The following LGR6 variants were observed in gnomAD, a reference collection of about 807,000 sequenced individuals.
LGR6 encodes the protein leucine-rich repeat-containing G protein-coupled receptor 6.
LGR6 carries 45 observed loss-of-function variants against 69.4 expected under a neutral mutation model. The observed-to-expected ratio is 0.65, with a 90% CI of 0.51 to 0.83. LGR6 has a LOEUF of 0.83. LGR6 is among the 40% of genes least tolerant of loss of function. The pLI is 0.00. For synonymous variants in LGR6, 538 were observed against 555.0 expected (o/e 0.97, Z 0.43); for missense variants, 1,108 against 1,246.7 (o/e 0.89, Z 1.68).
In LGR6 at chr1:202,256,579, G is replaced by T. The variant is rs565070769; in HGVS notation, c.429-19727G>T. Among the ~76,000 whole-genome samples the T allele has an allele frequency of 5.3e-5, 8 of 152,246 alleles. No homozygotes were observed. In the South Asian group the frequency reaches 8.3e-4, roughly 16 times the overall value. The stretch of plus-strand genomic sequence containing the variant: ...TTTTATAGCTGAATTATATTCCTTG[G>T]TATAGATATACCACATTTTATTTTA... On this transcript the variant is annotated intron_variant, in intron 4 of 17. Coordinates refer to ENST00000367278, the MANE Select transcript of LGR6 (RefSeq NM_001017403.2).
intron 1 of LGR6, among the ~76,000 whole-genome samples, chr1:202,214,471 C>A (rs1033003828): frequency 6.6e-6 from 1 of 151,760 alleles, no homozygotes; most frequent in Non-Finnish European, 1.5e-5. Flanking sequence ...CTGGGGTGGG[C>A]AGGGGCGCGC....
At chr1:202,258,182 AC>A (rs1183562518) in intron 4 of LGR6, among the ~76,000 whole-genome samples, 5 of 151,988 alleles carry the variant, frequency 3.3e-5, no homozygotes, top group African/African-American at 9.7e-5. Context: ...GCTTTGCTGT[AC>A]TCATTTACTA....
intron 1 of LGR6, among the ~76,000 whole-genome samples, chr1:202,204,567 A>ACACACCTAACACACACCTCCTTCAAACAC (rs1659001992): frequency 7.6e-4 from 5 of 6,568 alleles, no homozygotes; most frequent in African/African-American, 1.2e-3. Flanking sequence ...TCCAAACACA[A>ACACACCTAACACACACCTCCTTCAAACAC]ACACACCTAA....
At chr1:202,244,593 C>G (rs540048672) in intron 4 of LGR6, among the ~76,000 whole-genome samples, 13 of 152,196 alleles carry the variant, frequency 8.5e-5, no homozygotes, top group Admixed American at 3.9e-4. Context: ...TCCTCTTTCT[C>G]TCTGTGTCTC....
intron 6 of LGR6, among the ~76,000 whole-genome samples, chr1:202,291,489 CCTG>C (rs1198768323): frequency 6.6e-6 from 1 of 152,192 alleles, no homozygotes; most frequent in African/African-American, 2.4e-5. Context: ...ATCTTGAGAC[CCTG>C]CACAGTGGAC....
intron 3 of LGR6, among the ~76,000 whole-genome samples, chr1:202,231,323 G>A (rs1046281842): frequency 3.9e-5 from 6 of 152,204 alleles, no homozygotes; most frequent in South Asian, 2.1e-4. Context: ...ACTGACCCAC[G>A]AAGGGAAATG....
Position 202,276,498 on chromosome 1 carries a change from G to C in LGR6, c.621G>C (p.Gln207His). 1 of 1,614,002 alleles carries C rather than the reference G, an allele frequency of 6.2e-7. No individual in the cohort carries two copies. Among genetic ancestry groups the C allele is most frequent in the Non-Finnish European group, 8.5e-7 (1 of 1,179,944 alleles). The change falls in exon 5 of 18, where the codon CAG becomes CAC. Residue 207 changes from glutamine (Q) to histidine (H), a missense_variant. Coordinates refer to ENST00000367278, the MANE Select transcript of LGR6 (RefSeq NM_001017403.2). ...GCCACATCCCCGACTACGCGTTCCA[G>C]AATCTCACCAGCCTTGTGGTGCTGT... ...RISHIPDYAF[Q>H]NLTSLVVLHL... is the part of the protein sequence containing the mutation.
intron 4 of LGR6, chr1:202,236,227 C>G (rs1661538569): frequency 1.8e-6 from 1 of 551,046 alleles, no homozygotes. Flanking sequence ...CCACGCCCCA[C>G]TGGGGGACTG....
At chr1:202,275,020 A>G (rs969839661) in intron 4 of LGR6, among the ~76,000 whole-genome samples, 3 of 152,220 alleles carry the variant, frequency 2.0e-5, no homozygotes, top group Non-Finnish European at 2.9e-5. Flanking sequence ...GAGAGCACTG[A>G]TGAGATGCTC....
chr1:202,259,532 A>G (rs1664050245), intron 4 of LGR6, among the ~76,000 whole-genome samples: 1 of 152,104 alleles, frequency 6.6e-6, no homozygotes, highest in Admixed American at 6.6e-5. Flanking sequence ...AATCTTTTCC[A>G]TCTGTGCTAA....
chr1:202,294,891 G>T (rs1465558875), intron 6 of LGR6, among the ~76,000 whole-genome samples: 4 of 152,128 alleles, frequency 2.6e-5, no homozygotes, highest in African/African-American at 9.7e-5. Context: ...TCTCTGATGA[G>T]GTATAATTTG....
chr1:202,221,163 T>G (rs573892166), intron 1 of LGR6, among the ~76,000 whole-genome samples: 3 of 152,198 alleles, frequency 2.0e-5, no homozygotes, highest in East Asian at 3.9e-4. Flanking sequence ...GGCTTGTTTT[T>G]CACTGTTTCT....
chr1:202,281,480 C>T (rs1666001700), intron 6 of LGR6, among the ~76,000 whole-genome samples: 1 of 152,190 alleles, frequency 6.6e-6, no homozygotes, highest in Non-Finnish European at 1.5e-5. Context: ...ACCCTCCCAT[C>T]ATTTCCTGTG....
At chr1:202,235,878 T>G (rs1222966608) in intron 3 of LGR6, 44 bp from the exon 4 acceptor site, 13 of 1,578,106 alleles carry the variant, frequency 8.2e-6, no homozygotes, top group Non-Finnish European at 1.0e-5. Context: ...CAGCCAGCTC[T>G]GCATACCATG....
intron 6 of LGR6, among the ~76,000 whole-genome samples, chr1:202,290,913 TA>T (rs1666749927): frequency 6.6e-6 from 1 of 152,148 alleles, no homozygotes; most frequent in Non-Finnish European, 1.5e-5. Context: ...AGGATGACTG[TA>T]AAATCCTGCC....
chr1:202,220,722 T>C (rs1168671130), intron 1 of LGR6, among the ~76,000 whole-genome samples: 1 of 58,752 alleles, frequency 1.7e-5, no homozygotes, highest in Admixed American at 1.7e-4. Context: ...CAAAATACTG[T>C]GGGGACGGGG....
intron 1 of LGR6, among the ~76,000 whole-genome samples, chr1:202,214,584 A>G (rs551870750): frequency 3.3e-5 from 5 of 152,288 alleles, no homozygotes; most frequent in South Asian, 2.1e-4. Flanking sequence ...CGCGCTGCCA[A>G]TTCTTAACTT....
chr1:202,310,062 G>A lies in LGR6; in HGVS notation c.1407-135G>A. On this transcript the variant is annotated intron_variant, in intron 15 of 17. Transcript: ENST00000367278. ...GAATGCCTAGGAGACTGCCAGCACA[G>A]TGAACAGGGAACTTGGGAGTTGAAG... The A allele has an allele frequency of 3.5e-6, 3 of 847,432 alleles. No individual in the cohort carries two copies. The South Asian group carries it at 5.0e-5, about 14-fold the overall frequency. The allele number at this position is 847,432 out of a possible 1,614,324, so 52.5% of individuals were successfully genotyped here.
In LGR6 at chr1:202,319,066, G is replaced by A. The variant is rs1223542177; in HGVS notation, c.2763G>A (p.Glu921=). ...AGGGCAGCCATTGTGTAGAGCCAGA[G>A]GGGAACCACTTTGGGAACCCCCAAC... The part of the protein sequence containing the change: ...RLEGSHCVEP[E]GNHFGNPQPS... Residue 921 remains glutamate, a synonymous_variant, in exon 18 of 18, where the codon GAG becomes GAA. Transcript: ENST00000367278. 1 of 1,614,156 alleles carries A rather than the reference G, an allele frequency of 6.2e-7. No homozygotes were observed. The highest frequency in any genetic ancestry group is 1.1e-5 in the South Asian group (1 of 91,078).
Sources: allele counts gnomAD v4.1 joint callset (sites outside exome capture counted in the v4.1 genomes callset), GRCh38; gene constraint gnomAD v4.1.1; transcripts MANE v1.5; gene names NCBI Gene and HGNC (gene_info 2026-07-23, HGNC 2026-07-21).